MXI1: variants seen among roughly 807,000 people sequenced by gnomAD.
The protein encoded by MXI1 is MAX interactor 1, dimerization protein.
A neutral mutation model predicts 36.9 loss-of-function variants in MXI1; 18 were observed. The ratio of observed to expected loss-of-function variants is 0.49; its 90% confidence interval spans 0.34 to 0.72. The LOEUF (loss-of-function observed/expected upper bound fraction) is 0.72. Ranked by LOEUF, MXI1 falls within the 30% of genes least tolerant of loss-of-function variation. MXI1 has a pLI of 0.01. For synonymous variants in MXI1, 160 were observed against 146.7 expected (o/e 1.09, Z -0.65); for missense variants, 304 against 379.1 (o/e 0.80, Z 1.64).
chr10:110,281,505 TATA>T (rs927171457), intron 5 of MXI1, among the ~76,000 whole-genome samples: 2 of 152,212 alleles, frequency 1.3e-5, no homozygotes, highest in Non-Finnish European at 2.9e-5. Flanking sequence ...GATATTAATC[TATA>T]ATAATTTTTT....
At chr10:110,263,865 A>G (rs934047288) in intron 3 of MXI1, among the ~76,000 whole-genome samples, 1 of 152,216 alleles carries the variant, frequency 6.6e-6, no homozygotes, top group East Asian at 1.9e-4. Flanking sequence ...GGAAGTTTCC[A>G]TGATCTGCTG....
chr10:110,252,945 A>G (rs1215773898), intron 3 of MXI1, among the ~76,000 whole-genome samples: 1 of 152,108 alleles, frequency 6.6e-6, no homozygotes, highest in Non-Finnish European at 1.5e-5. Flanking sequence ...GATTTTTACC[A>G]TGCCGGAGTT....
chr10:110,280,145 A>ATACAG, intron 5 of MXI1, 60 bp downstream of exon 5: 1 of 1,442,834 alleles, frequency 6.9e-7, no homozygotes, highest in Non-Finnish European at 9.3e-7. Context: ...GGATTTAGGG[A>ATACAG]AGGTATGTTG....
At chr10:110,212,514 C>T (rs750434414) in intron 1 of MXI1, among the ~76,000 whole-genome samples, 6 of 152,152 alleles carry the variant, frequency 3.9e-5, no homozygotes, top group Non-Finnish European at 7.3e-5. Flanking sequence ...GATCAGTTTC[C>T]ACCTCCTCCA....
intron 1 of MXI1, among the ~76,000 whole-genome samples, chr10:110,211,384 T>G (rs1318960164): frequency 6.6e-6 from 1 of 152,126 alleles, no homozygotes; most frequent in East Asian, 1.9e-4. Context: ...AGGAAATCTC[T>G]GGGAGCTGTA....
chr10:110,271,740 C>T (rs781088604), intron 3 of MXI1, among the ~76,000 whole-genome samples: 5 of 152,172 alleles, frequency 3.3e-5, no homozygotes, highest in Non-Finnish European at 7.4e-5. Flanking sequence ...CTACTGACAA[C>T]TTGAAAAATC....
chr10:110,224,735 C>T (rs1406256706), intron 1 of MXI1, among the ~76,000 whole-genome samples: 6 of 151,736 alleles, frequency 4.0e-5, no homozygotes, highest in Non-Finnish European at 7.4e-5. Flanking sequence ...GCAACCTCCG[C>T]CTCCCGGGTT....
chr10:110,238,865 A>C (rs566135512), intron 2 of MXI1, among the ~76,000 whole-genome samples: 9 of 152,300 alleles, frequency 5.9e-5, no homozygotes, highest in Admixed American at 2.6e-4. Context: ...TTATTGGCAT[A>C]AAGTTGTTAA....
chr10:110,237,995 A>G (rs1855531247), intron 2 of MXI1, among the ~76,000 whole-genome samples: 1 of 152,170 alleles, frequency 6.6e-6, no homozygotes, highest in African/African-American at 2.4e-5. Flanking sequence ...AGGACCAGCC[A>G]AATGCCCAGA....
At chr10:110,264,749 C>T (rs1426759840) in intron 3 of MXI1, among the ~76,000 whole-genome samples, 1 of 152,090 alleles carries the variant, frequency 6.6e-6, no homozygotes, top group South Asian at 2.1e-4. Flanking sequence ...CAGGCAAATT[C>T]CTGTTAACTT....
At position 110,228,205 on chromosome 10, in the gene MXI1, C is replaced by T. The variant is rs758885112; in HGVS notation, c.291C>T (p.Tyr97=). 70 of 1,613,898 alleles carry T rather than the reference C, an allele frequency of 4.3e-5. No homozygotes were observed. The Admixed American group carries it at 1.1e-3, about 25-fold the overall frequency. ...TTTCTTCAGAGTGTGAACATGGCTA[C>T]GCCTCTTCATTCCCGTCCATGCCGA... ...EKENKKCEHG[Y]ASSFPSMPSP... Residue 97 remains tyrosine (Y), a synonymous_variant, in exon 2 of 6, where the codon TAC becomes TAT. Coordinates refer to ENST00000332674, the MANE Select transcript of MXI1 (RefSeq NM_130439.3).
intron 1 of MXI1, among the ~76,000 whole-genome samples, chr10:110,219,219 G>A (rs148493484): frequency 7.2e-5 from 11 of 152,312 alleles, no homozygotes; most frequent in African/African-American, 2.4e-4. Context: ...AGAATTGCTT[G>A]AACCTGAGAG....
chr10:110,275,958 T>C (rs534327138), intron 3 of MXI1, among the ~76,000 whole-genome samples: 1 of 142,748 alleles, frequency 7.0e-6, no homozygotes, highest in African/African-American at 2.8e-5. Context: ...AAATGTTCAG[T>C]AGTGGCTAAA....
intron 1 of MXI1, among the ~76,000 whole-genome samples, chr10:110,224,563 C>A (rs1424321916): frequency 1.3e-5 from 2 of 151,820 alleles, no homozygotes; most frequent in Non-Finnish European, 2.9e-5. Flanking sequence ...TTGAGAAACC[C>A]TGGTCTAGAC....
At chr10:110,272,282 A>G (rs1856879479) in intron 3 of MXI1, among the ~76,000 whole-genome samples, 1 of 152,242 alleles carries the variant, frequency 6.6e-6, no homozygotes, top group Admixed American at 6.5e-5. Flanking sequence ...ATATTCCAAA[A>G]TCTGAAAAAA....
At chr10:110,234,512 A>G (rs1434950781) in intron 2 of MXI1, among the ~76,000 whole-genome samples, 3 of 152,066 alleles carry the variant, frequency 2.0e-5, no homozygotes, top group Non-Finnish European at 4.4e-5. Flanking sequence ...TAACTTTTAT[A>G]TTATTATTAA....
chr10:110,273,569 G>C (rs1245067430), intron 3 of MXI1, among the ~76,000 whole-genome samples: 1 of 151,806 alleles, frequency 6.6e-6, no homozygotes, highest in African/African-American at 2.4e-5. Context: ...GAGACACTTT[G>C]GTATATATGT....
chr10:110,259,144 TGTG>T (rs1392100937), intron 3 of MXI1, among the ~76,000 whole-genome samples: 1 of 152,142 alleles, frequency 6.6e-6, no homozygotes, highest in Non-Finnish European at 1.5e-5. Flanking sequence ...ATAGCGAAGT[TGTG>T]GTAGCTTTTT....
At chr10:110,232,752 A>G (rs1375549441) in intron 2 of MXI1, among the ~76,000 whole-genome samples, 2 of 152,236 alleles carry the variant, frequency 1.3e-5, no homozygotes, top group African/African-American at 4.8e-5. Context: ...ACTGGAAGGA[A>G]GAGTGATAAA....
Sources: allele counts gnomAD v4.1 joint callset (sites outside exome capture counted in the v4.1 genomes callset), GRCh38; gene constraint gnomAD v4.1.1; transcripts MANE v1.5; gene names NCBI Gene and HGNC (gene_info 2026-07-23, HGNC 2026-07-21).